MYO9A: variants seen among roughly 807,000 people sequenced by gnomAD.
MYO9A encodes myosin IXA, also known as unconventional myosin-IXa.
In MYO9A, 103 loss-of-function variants were observed where a neutral mutation model predicts 293.3. The ratio of observed to expected loss-of-function variants is 0.35; its 90% CI spans 0.30 to 0.41. The LOEUF is 0.41. MYO9A is among the 10% of genes least tolerant of loss of function. The pLI, the probability that MYO9A is intolerant of heterozygous loss-of-function variation, is 1.00. For synonymous variants in MYO9A, 1,001 were observed against 1,035.7 expected (o/e 0.97, Z 0.64); for missense variants, 2,685 against 3,033.0 (o/e 0.89, Z 2.69).
At chr15:71,837,011 T>C (rs1303695440) in intron 39 of MYO9A, among the ~76,000 whole-genome samples, 1 of 152,112 alleles carries the variant, frequency 6.6e-6, no homozygotes, top group Non-Finnish European at 1.5e-5. Flanking sequence ...TTGTTATGTA[T>C]GTGTTGTATT....
At chr15:71,890,551 A>G (rs530685195) in intron 26 of MYO9A, 1 of 152,304 alleles carries the variant, frequency 6.6e-6, no homozygotes, top group East Asian at 1.9e-4. Flanking sequence ...ATTCTTCTTG[A>G]GTAAATGCCA....
At position 71,933,240 on chromosome 15, in the gene MYO9A, A is replaced by G. The variant is rs1388983909; in HGVS notation, c.2562+430T>C. Reference sequence around the variant, plus strand: ...GAGCCAACTAGTTATATCAGAAACCATAAGCCTGAAAAGACAATGTCCCTT... The same window carrying G: ...GAGCCAACTAGTTATATCAGAAACCGTAAGCCTGAAAAGACAATGTCCCTT... On this transcript the variant is annotated intron_variant, in intron 18 of 41. Coordinates refer to ENST00000356056, the MANE Select transcript of MYO9A (RefSeq NM_006901.4). 2.6e-5 allele frequency among the ~76,000 whole-genome samples: 4 copies of G among 152,200 alleles called. No individual in the cohort carries two copies. In the South Asian group the frequency reaches 8.3e-4, roughly 31 times the overall value.
chr15:72,025,368 A>C (rs911493784), intron 4 of MYO9A, among the ~76,000 whole-genome samples: 1 of 152,098 alleles, frequency 6.6e-6, no homozygotes, highest in African/African-American at 2.4e-5. Flanking sequence ...GAGCAAAAAA[A>C]CTTTTTTTTT....
At chr15:71,955,179 G>A (rs901650005) in intron 14 of MYO9A, among the ~76,000 whole-genome samples, 3 of 150,448 alleles carry the variant, frequency 2.0e-5, no homozygotes, top group African/African-American at 4.9e-5. Flanking sequence ...CCAGGCTGGA[G>A]TGCAATGGTT....
At chr15:72,041,104 G>T in intron 2 of MYO9A, 2 of 537,344 alleles carry the variant, frequency 3.7e-6, no homozygotes, top group South Asian at 3.0e-5. Flanking sequence ...AATTAGCCAG[G>T]TGTGGTGGTA....
intron 30 of MYO9A, among the ~76,000 whole-genome samples, chr15:71,878,901 C>T (rs954439453): frequency 9.2e-5 from 14 of 151,784 alleles, no homozygotes; most frequent in African/African-American, 3.1e-4. Context: ...GGATTACAAG[C>T]ATGCACCACC....
chr15:71,887,750 T>C (rs1485369864), intron 27 of MYO9A, among the ~76,000 whole-genome samples: 1 of 152,154 alleles, frequency 6.6e-6, no homozygotes, highest in Admixed American at 6.5e-5. Flanking sequence ...CTGTCTTTTG[T>C]TACAGGATTC....
intron 18 of MYO9A, among the ~76,000 whole-genome samples, chr15:71,922,259 G>T (rs748206187): frequency 2.6e-5 from 4 of 152,204 alleles, no homozygotes; most frequent in Non-Finnish European, 5.9e-5. Context: ...GATTACAGGC[G>T]TGAGCCACCG....
intron 1 of MYO9A, among the ~76,000 whole-genome samples, chr15:72,074,686 A>T (rs2079291809): frequency 6.6e-6 from 1 of 152,068 alleles, no homozygotes; most frequent in South Asian, 2.1e-4. Flanking sequence ...AAGTGAGATG[A>T]TCTGCAGAGT....
intron 23 of MYO9A, among the ~76,000 whole-genome samples, chr15:71,900,830 A>G (rs545639866): frequency 6.6e-6 from 1 of 152,318 alleles, no homozygotes; most frequent in East Asian, 1.9e-4. Context: ...ATCATCCAAA[A>G]TGAGTGTCTA....
At chr15:71,932,900 T>C (rs1251508464) in intron 18 of MYO9A, among the ~76,000 whole-genome samples, 1 of 152,114 alleles carries the variant, frequency 6.6e-6, no homozygotes, top group Non-Finnish European at 1.5e-5. Context: ...CATATTTCTG[T>C]TGATGAAAGT....
At chr15:72,060,500 T>C (rs1477008377) in intron 1 of MYO9A, among the ~76,000 whole-genome samples, 2 of 152,218 alleles carry the variant, frequency 1.3e-5, no homozygotes, top group African/African-American at 4.8e-5. Context: ...AGCAGCCATG[T>C]TGTCCAGAGA....
intron 1 of MYO9A, among the ~76,000 whole-genome samples, chr15:72,081,691 C>T (rs1286364644): frequency 6.6e-6 from 1 of 152,178 alleles, no homozygotes; most frequent in South Asian, 2.1e-4. Flanking sequence ...AAATTAGAGA[C>T]TTTAATCCAT....
chr15:71,828,049 C>T (rs201744913), intron 40 of MYO9A, 23 bp from the exon 41 acceptor site: 204 of 1,600,158 alleles, frequency 1.3e-4, no homozygotes, highest in South Asian at 7.9e-5. Context: ...ATCAAGAAAC[C>T]ATTAGCATTT....
At chr15:71,978,843 G>A (rs1166909856) in intron 11 of MYO9A, among the ~76,000 whole-genome samples, 1 of 151,460 alleles carries the variant, frequency 6.6e-6, no homozygotes, top group Non-Finnish European at 1.5e-5. Context: ...CAGGTCTTGA[G>A]TAACTACTTA....
chr15:71,862,856 G>T (rs972268638), intron 32 of MYO9A, among the ~76,000 whole-genome samples: 2 of 151,650 alleles, frequency 1.3e-5, no homozygotes, highest in Admixed American at 6.6e-5. Context: ...ACATATAATA[G>T]CTGTCTTACA....
chr15:71,879,417 C>T (rs1273748342), intron 30 of MYO9A, among the ~76,000 whole-genome samples: 1 of 151,978 alleles, frequency 6.6e-6, no homozygotes, highest in African/African-American at 2.4e-5. Context: ...TATGAAAAGT[C>T]ACAGGCAAAA....
chr15:71,938,937 T>C lies in MYO9A; in HGVS notation c.2303-10A>G, dbSNP rs2058702673. On this transcript the variant is annotated splice_polypyrimidine_tract_variant and intron_variant, in intron 15 of 41. Coordinates refer to ENST00000356056, the MANE Select transcript of MYO9A (RefSeq NM_006901.4). ...TTTTTCCGGGTTATACCTAGCAAAA[T>C]TTAAAAAACAGAAAATTTCAAATCA... 6.3e-7 allele frequency: 1 copy of C among 1,596,760 alleles called. No individual in the cohort carries two copies. The highest frequency in any genetic ancestry group is 1.7e-5 in the Admixed American group (1 of 57,496).
At chr15:71,967,457 A>G (rs538614959) in intron 13 of MYO9A, among the ~76,000 whole-genome samples, 1 of 152,332 alleles carries the variant, frequency 6.6e-6, no homozygotes, top group Admixed American at 6.5e-5. Flanking sequence ...CCATATCATC[A>G]GCTGCCTTAC....
Sources: gnomAD v4.1 joint callset for allele counts (sites outside exome capture counted in the v4.1 genomes callset) on GRCh38, gnomAD v4.1.1 for gene constraint, MANE v1.5 for transcripts, NCBI Gene and HGNC (gene_info 2026-07-23, HGNC 2026-07-21) for gene names.